NAV1: variants seen among roughly 807,000 people sequenced by gnomAD.
NAV1 encodes pore membrane and/or filament interacting like protein 3.
NAV1 carries 18 observed loss-of-function variants against 175.2 expected under a neutral mutation model. That is an observed-to-expected ratio of 0.10 (90% CI 0.07 to 0.15). NAV1 has a LOEUF of 0.15. NAV1 is among the 10% of genes least tolerant of loss of function. The pLI is 1.00. For missense variants in NAV1, 1,731 were observed against 2,436.6 expected (o/e 0.71, Z 6.10); for synonymous variants, 897 against 978.7 (o/e 0.92, Z 1.56).
intron 1 of NAV1, among the ~76,000 whole-genome samples, chr1:201,686,644 A>G (rs773826603): frequency 2.6e-5 from 4 of 152,140 alleles, no homozygotes; most frequent in African/African-American, 9.7e-5. Flanking sequence ...TCTATCTCCT[A>G]TCCCCCACTC....
chr1:201,803,972 T>C (rs935681793), intron 16 of NAV1: 37 of 537,604 alleles, frequency 6.9e-5, no homozygotes, highest in Middle Eastern at 2.8e-4. Flanking sequence ...TAGGCCAAGA[T>C]GTATTTGGCA....
intron 1 of NAV1, among the ~76,000 whole-genome samples, chr1:201,681,699 C>T (rs1670469495): frequency 6.6e-6 from 1 of 152,262 alleles, no homozygotes; most frequent in Non-Finnish European, 1.5e-5. Flanking sequence ...TCCAGCCAGG[C>T]GCAGTGGCTC....
At chr1:201,756,805 TTTCCTTCTTTCTTTCTTTC>T (rs1674496442) in intron 3 of NAV1, among the ~76,000 whole-genome samples, 1 of 28,850 alleles carries the variant, frequency 3.5e-5, no homozygotes, top group African/African-American at 1.4e-4. Flanking sequence ...TCTTTCTTTC[TTTCCTTCTTTCTTTCTTTC>T]TTTCTTTCTT....
intron 1 of NAV1, among the ~76,000 whole-genome samples, chr1:201,655,091 A>G (rs915452259): frequency 1.3e-5 from 2 of 152,060 alleles, no homozygotes; most frequent in Non-Finnish European, 1.5e-5. Context: ...TTCTTTTGGA[A>G]CAAGACCTGA....
chr1:201,646,398 CTGAGA>C (rs1668979696), upstream of NAV1, among the ~76,000 whole-genome samples: 1 of 152,172 alleles, frequency 6.6e-6, no homozygotes, highest in Admixed American at 6.5e-5. Context: ...GTCCGTCTAC[CTGAGA>C]TGAATGTGTT....
At chr1:201,583,687 G>T (rs1288878223) in intron 1 of NAV1, among the ~76,000 whole-genome samples, 1 of 152,200 alleles carries the variant, frequency 6.6e-6, no homozygotes, top group Non-Finnish European at 1.5e-5. Flanking sequence ...AGGAAGCCAT[G>T]GAAATAAATA....
intron 2 of NAV1, among the ~76,000 whole-genome samples, chr1:201,641,443 T>C (rs1298016881): frequency 6.6e-6 from 1 of 152,118 alleles, no homozygotes; most frequent in Non-Finnish European, 1.5e-5. Flanking sequence ...AAGGCTCCCA[T>C]CTCACTGGAA....
At position 201,810,026 on chromosome 1, in the gene NAV1, G is replaced by C; in HGVS notation, c.4482G>C (p.Val1494=). 1.9e-6 allele frequency: 3 copies of C among 1,614,062 alleles called. No homozygotes were observed. The highest frequency in any genetic ancestry group is 1.3e-5 in the African/African-American group (1 of 74,976). Residue 1494 remains valine, a synonymous_variant, in exon 23 of 30, where the codon GTG becomes GTC. Coordinates refer to ENST00000367296, the Ensembl canonical transcript of NAV1. The surrounding 1 kb of genome is among the most constrained non-coding windows in gnomAD (Gnocchi z 6.0). ...TCCATGGCTACAGCATCAGCCACGT[G>C]AAACGAGTGTTGGATGCAGAGCCCC...
chr1:201,618,142 C>T (rs1323862587), upstream of NAV1, among the ~76,000 whole-genome samples: 1 of 152,168 alleles, frequency 6.6e-6, no homozygotes, highest in African/African-American at 2.4e-5. Context: ...CCCTTTCTTC[C>T]CCAGCCACCC....
At chr1:201,747,245 G>A (rs1026068324) in intron 3 of NAV1, among the ~76,000 whole-genome samples, 8 of 152,146 alleles carry the variant, frequency 5.3e-5, no homozygotes, top group South Asian at 2.1e-4. Context: ...TGCACACACG[G>A]TCCTGCCTGT....
intron 2 of NAV1, 125 bp downstream of exon 6, chr1:201,713,044 A>G: frequency 1.5e-6 from 1 of 656,352 alleles, no homozygotes; most frequent in Non-Finnish European, 2.8e-6. Flanking sequence ...TGATGCGTGG[A>G]GCCACTGCAG....
chr1:201,665,426 G>T (rs2102364962), intron 1 of NAV1, among the ~76,000 whole-genome samples: 2 of 152,274 alleles, frequency 1.3e-5, no homozygotes, highest in South Asian at 4.1e-4. Context: ...TTTGCTGAGG[G>T]CTCATGGAGA....
chr1:201,600,075 C>T (rs936343697), intron 2 of NAV1, among the ~76,000 whole-genome samples: 10 of 152,198 alleles, frequency 6.6e-5, no homozygotes, highest in South Asian at 4.1e-4. Flanking sequence ...ATCTGTGACT[C>T]GGGATACCTC....
At chr1:201,648,817 C>CCGGCGG (rs561927033) in exon 1 of NAV1, 53 of 1,582,188 alleles carry the variant, frequency 3.3e-5, no homozygotes, top group Non-Finnish European at 4.4e-5. Flanking sequence ...GCCAAGGCGC[C>CCGGCGG]CGGCGGCGGC....
chr1:201,805,563 T>G (rs909311510), intron 17 of NAV1, among the ~76,000 whole-genome samples: 2 of 152,128 alleles, frequency 1.3e-5, no homozygotes, highest in African/African-American at 4.8e-5. Context: ...TAAATTTGAT[T>G]TTTTAGATTA....
At chr1:201,580,744 C>G (rs1558005608) in intron 1 of NAV1, among the ~76,000 whole-genome samples, 1 of 152,084 alleles carries the variant, frequency 6.6e-6, no homozygotes. Flanking sequence ...TGCACTCCAG[C>G]CTAGGTGACA....
At position 201,539,697 on chromosome 1, in the gene NAV1, G is replaced by C. The variant is rs1571810336; in HGVS notation, c.-144+355G>C. 6.6e-6 allele frequency among the ~76,000 whole-genome samples: 1 copy of C among 152,166 alleles called. No individual in the cohort carries two copies. Among genetic ancestry groups the C allele is most frequent in the Non-Finnish European group, 1.5e-5 (1 of 68,026 alleles). On this transcript the variant is annotated intron_variant, in intron 1 of 33. Coordinates refer to the NAV1 transcript ENST00000685211. The surrounding 1 kb of genome is among the most constrained non-coding windows in gnomAD (Gnocchi z 5.6). ...TTAAAGTGCGTTGAGATCTTATCAT[G>C]AGACACCAGGTGCTGCGTTCTTATA...
chr1:201,702,698 C>T (rs3000762), intron 1 of NAV1, among the ~76,000 whole-genome samples: 43,657 of 129,888 alleles, frequency 0.34, 9,852 homozygotes, highest in South Asian at 0.54. Flanking sequence ...CTCTCTCTCT[C>T]TCTCTCTCTC....
Position 201,808,171 on chromosome 1 carries a change from G to T in NAV1, c.3845+22G>T, listed in dbSNP as rs1264598597. 10 of 1,612,434 alleles carry T rather than the reference G, an allele frequency of 6.2e-6. No homozygotes were observed. Among genetic ancestry groups the T allele is most frequent in the Non-Finnish European group, 8.5e-6 (10 of 1,178,770 alleles). ...CCGAGTAAGTGCTCTTTGGCTCCCT[G>T]CCACCCAGCCTGTTACCAGTGTAAG... On this transcript the variant is annotated intron_variant, in intron 18 of 29. Transcript: ENST00000367296. The surrounding 1 kb of genome is among the most constrained non-coding windows in gnomAD (Gnocchi z 5.5).
Sources: gnomAD v4.1 joint callset for allele counts (sites outside exome capture counted in the v4.1 genomes callset) on GRCh38, gnomAD v4.1.1 for gene constraint, Gnocchi (gnomAD v3.1) non-coding constraint, MANE v1.5 for transcripts, NCBI Gene and HGNC (gene_info 2026-07-23, HGNC 2026-07-21) for gene names.